CDH4: variants seen among roughly 807,000 people sequenced by gnomAD.
The protein encoded by CDH4 is cadherin-4.
Under a neutral mutation model 86.0 loss-of-function variants are expected in CDH4, and 33 were observed. That is an observed-to-expected ratio of 0.38 (90% CI 0.29 to 0.51). CDH4 has a LOEUF of 0.51. CDH4 is among the 20% of genes least tolerant of loss of function. The probability of loss-of-function intolerance (pLI) is 0.86; values close to 1 mark genes in which losing one functional copy is unlikely to be tolerated. For synonymous variants in CDH4, 555 were observed against 549.4 expected (o/e 1.01, Z -0.14); for missense variants, 1,114 against 1,307.4 (o/e 0.85, Z 2.28).
chr20:61,701,124 T>A (rs1600890068), intron 2 of CDH4, among the ~76,000 whole-genome samples: 1 of 152,132 alleles, frequency 6.6e-6, no homozygotes, highest in African/African-American at 2.4e-5. Context: ...GGCTTGCAGG[T>A]GCCATCTTCT....
At chr20:61,492,076 TTGTTGATGG>T (rs1163841752) in intron 2 of CDH4, among the ~76,000 whole-genome samples, 1 of 151,040 alleles carries the variant, frequency 6.6e-6, no homozygotes, top group East Asian at 2.0e-4. Context: ...GGTGTCAATA[TTGTTGATGG>T]TGTTGATGGT....
intron 3 of CDH4, among the ~76,000 whole-genome samples, chr20:61,746,288 T>G (rs2088413743): frequency 6.6e-6 from 1 of 152,228 alleles, no homozygotes. Flanking sequence ...CCTGAGTCCC[T>G]GAGACATGAC....
chr20:61,831,719 C>T (rs1051200121), intron 4 of CDH4, among the ~76,000 whole-genome samples: 8 of 152,218 alleles, frequency 5.3e-5, no homozygotes, highest in African/African-American at 1.2e-4. Flanking sequence ...GGCTCCTGGG[C>T]GGGGTGGGGG....
chr20:61,790,329 C>T (rs938303198), intron 4 of CDH4, among the ~76,000 whole-genome samples: 2 of 151,670 alleles, frequency 1.3e-5, no homozygotes. Context: ...ATCCTTTCAT[C>T]TCTCCATTCA....
intron 2 of CDH4, among the ~76,000 whole-genome samples, chr20:61,360,977 G>C (rs936697123): frequency 5.3e-5 from 8 of 152,196 alleles, no homozygotes; most frequent in African/African-American, 1.4e-4. Context: ...TGGGAGGCCT[G>C]AGAGAACGCA....
chr20:61,719,557 GC>G, intron 2 of CDH4: 1 of 190,660 alleles, frequency 5.2e-6, no homozygotes, highest in Non-Finnish European at 1.1e-5. Flanking sequence ...CTGTATAATT[GC>G]CGCTTTAAAT....
At chr20:61,562,344 G>A (rs1318166948) in intron 2 of CDH4, among the ~76,000 whole-genome samples, 27 of 123,346 alleles carry the variant, frequency 2.2e-4, no homozygotes, top group South Asian at 6.1e-4. Flanking sequence ...CAGGGCTCCC[G>A]GAGAGAGAGA....
intron 2 of CDH4, among the ~76,000 whole-genome samples, chr20:61,547,223 TGC>T (rs1368897569): frequency 4.5e-5 from 4 of 89,206 alleles, no homozygotes; most frequent in East Asian, 6.7e-4. Flanking sequence ...TTTTTTTTTT[TGC>T]CCCCTGAGAC....
rs138753914 is a variant in CDH4, at chr20:61,713,696, T to C, written c.170-29867T>C. ...CCCCCCACTGCCCTGCTGTATCATA[T>C]GAGCCTCCGTTTCCCCATGTGAGCA... On this transcript the variant is annotated intron_variant, in intron 2 of 15. Transcript: ENST00000614565. Among the ~76,000 whole-genome samples the C allele has an allele frequency of 2.2e-4, 33 of 152,358 alleles. No homozygotes were observed. In the East Asian group the frequency reaches 3.1e-3, roughly 14 times the overall value.
At position 61,936,906 on chromosome 20, in the gene CDH4, A is replaced by C; in HGVS notation, c.2714A>C (p.Lys905Thr). 1.9e-6 allele frequency: 3 copies of C among 1,600,498 alleles called. No individual in the cohort carries two copies. The South Asian group carries it at 3.4e-5, about 18-fold the overall frequency. The change falls in exon 16 of 16, where the codon AAG (lysine) becomes ACG (threonine). Residue 905 changes from lysine to threonine, a missense_variant. Coordinates refer to ENST00000614565, the MANE Select transcript of CDH4 (RefSeq NM_001794.5). ...YLNDWGPRFK[K>T]LADMYGGGEE... ...AACGACTGGGGGCCCAGATTCAAGAAGCTGGCGGACATGTATGGAGGTGGT... is the reference window on the plus strand; with the variant it reads ...AACGACTGGGGGCCCAGATTCAAGACGCTGGCGGACATGTATGGAGGTGGT...
chr20:61,447,497 A>C (rs903454231), intron 2 of CDH4, among the ~76,000 whole-genome samples: 19 of 151,900 alleles, frequency 1.3e-4, no homozygotes, highest in Non-Finnish European at 2.2e-4. Flanking sequence ...TTCGATATAA[A>C]GGCTTTCCTG....
rs1378064808 is a variant in CDH4, at chr20:61,652,934, A to ATTTTTTTTTTTTTTTT, written c.170-90626_170-90625insTTTTTTTTTTTTTTTT. ...AGTGTTTGAATTTATTTATTTATTT[A>ATTTTTTTTTTTTTTTT]TTTATTTTTTTTTTTTTTTTTATTG... On this transcript the variant is annotated intron_variant, in intron 2 of 15. Coordinates refer to ENST00000614565, the MANE Select transcript of CDH4 (RefSeq NM_001794.5). Among the ~76,000 whole-genome samples the ATTTTTTTTTTTTTTTT allele has an allele frequency of 4.3e-3, 442 of 102,472 alleles. 9 individuals carry two copies. The highest frequency in any genetic ancestry group is 7.1e-3 in the Non-Finnish European group (314 of 44,080). 67.2% of individuals were successfully genotyped at this position (102,472 alleles called of 152,430 possible).
chr20:61,638,783 G>A (rs898318263), intron 2 of CDH4, among the ~76,000 whole-genome samples: 4 of 152,180 alleles, frequency 2.6e-5, no homozygotes, highest in Non-Finnish European at 4.4e-5. Flanking sequence ...TATGGGAGAT[G>A]GATGGATGAC....
intron 7 of CDH4, among the ~76,000 whole-genome samples, chr20:61,885,842 C>T (rs1984517294): frequency 6.6e-6 from 1 of 152,226 alleles, no homozygotes; most frequent in African/African-American, 2.4e-5. Flanking sequence ...AGATCTCTGT[C>T]TGCTCCATCT....
chr20:61,274,336 C>A (rs1382404504), intron 2 of CDH4, among the ~76,000 whole-genome samples: 15 of 92,904 alleles, frequency 1.6e-4, no homozygotes, highest in Non-Finnish European at 2.5e-4. Flanking sequence ...GTACCATGGG[C>A]AGTTTGGGGG....
chr20:61,856,412 G>A (rs577866170), intron 6 of CDH4, among the ~76,000 whole-genome samples: 5 of 127,074 alleles, frequency 3.9e-5, no homozygotes, highest in African/African-American at 1.3e-4. Flanking sequence ...AGAGTCCTGC[G>A]TGCCCCCCAC....
intron 2 of CDH4, among the ~76,000 whole-genome samples, chr20:61,720,059 C>T (rs955907615): frequency 6.6e-6 from 1 of 152,064 alleles, no homozygotes; most frequent in Non-Finnish European, 1.5e-5. Flanking sequence ...GAGAAGGAGG[C>T]GGTAGTGGAG....
At chr20:61,626,090 C>T (rs964398915) in intron 2 of CDH4, among the ~76,000 whole-genome samples, 1 of 152,218 alleles carries the variant, frequency 6.6e-6, no homozygotes, top group Non-Finnish European at 1.5e-5. Context: ...TGTGTCTGGC[C>T]GAGTCCTGGG....
chr20:61,676,278 C>T lies in CDH4; in HGVS notation c.170-67285C>T, dbSNP rs1416897725. 6.6e-6 allele frequency among the ~76,000 whole-genome samples: 1 copy of T among 152,214 alleles called. No homozygotes were observed. The highest frequency in any genetic ancestry group is 2.1e-4 in the South Asian group (1 of 4,834). On this transcript the variant is annotated intron_variant, in intron 2 of 15. Coordinates refer to ENST00000614565, the MANE Select transcript of CDH4 (RefSeq NM_001794.5). The surrounding 1 kb of genome is among the most constrained non-coding windows in gnomAD (Gnocchi z 4.5). ...CAAGTCTATTTGCCAGCCACAAAGACAATCTTTATAAAACTCAGGTTAGGA... is the reference window on the plus strand; with the variant it reads ...CAAGTCTATTTGCCAGCCACAAAGATAATCTTTATAAAACTCAGGTTAGGA...
Sources: gnomAD v4.1 joint callset for allele counts (sites outside exome capture counted in the v4.1 genomes callset) on GRCh38, gnomAD v4.1.1 for gene constraint, Gnocchi (gnomAD v3.1) non-coding constraint, MANE v1.5 for transcripts, NCBI Gene and HGNC (gene_info 2026-07-23, HGNC 2026-07-21) for gene names.